GLDN: variants seen among roughly 807,000 people sequenced by gnomAD.
GLDN encodes gliomedin.
Under a neutral mutation model 56.5 loss-of-function variants are expected in GLDN, and 47 were observed. The observed-to-expected ratio is 0.83, with a 90% CI of 0.66 to 1.06. GLDN has a LOEUF of 1.06. Among genes scored for constraint, GLDN ranks in the 50% least tolerant of loss-of-function variants. GLDN has a pLI of 0.00. For synonymous variants in GLDN, 332 were observed against 278.8 expected (o/e 1.19, Z -1.90); for missense variants, 782 against 714.3 (o/e 1.09, Z -1.08).
chr15:51,342,018 C>T lies in GLDN; in HGVS notation c.334C>T (p.Leu112=), dbSNP rs2036894754. Residue 112 remains leucine (L), a synonymous_variant, in exon 1 of 10, where the codon CTG becomes TTG. Transcript: ENST00000335449. ...TATCCGCGCCGAGAGCCATGACATG[C>T]TGATGATGATGACCTACTCCATGGT... ...PHIRAESHDM[L]MMMTYSMVPI... is the part of the protein sequence containing the mutation. The T allele has an allele frequency of 7.5e-6, 12 of 1,596,974 alleles. No homozygotes were observed. Among genetic ancestry groups the T allele is most frequent in the Non-Finnish European group, 9.3e-6 (11 of 1,179,078 alleles).
downstream of GLDN, among the ~76,000 whole-genome samples, chr15:51,410,486 T>G (rs2038454097): frequency 6.6e-6 from 1 of 152,208 alleles, no homozygotes. Flanking sequence ...AGAGCAATTC[T>G]AGTGCCAGAG....
At chr15:51,388,434 TG>T (rs1419599513) in intron 4 of GLDN, among the ~76,000 whole-genome samples, 1 of 152,196 alleles carries the variant, frequency 6.6e-6, no homozygotes, top group Non-Finnish European at 1.5e-5. Context: ...GCTAATGGTC[TG>T]ACTCCCCAAG....
At chr15:51,361,881 A>C (rs2037307107) in intron 1 of GLDN, among the ~76,000 whole-genome samples, 1 of 152,206 alleles carries the variant, frequency 6.6e-6, no homozygotes, top group South Asian at 2.1e-4. Context: ...CAGTGAGCCA[A>C]GATCATGCCA....
At chr15:51,362,931 C>T (rs930797455) in intron 1 of GLDN, among the ~76,000 whole-genome samples, 2 of 149,250 alleles carry the variant, frequency 1.3e-5, no homozygotes, top group Admixed American at 6.8e-5. Context: ...ATAAAATTTT[C>T]TGACAGTTTT....
chr15:51,399,127 G>T (rs1312123152), intron 6 of GLDN, among the ~76,000 whole-genome samples: 1 of 152,144 alleles, frequency 6.6e-6, no homozygotes, highest in Non-Finnish European at 1.5e-5. Context: ...GGAAACCCCA[G>T]TTGAAACTCC....
chr15:51,348,977 T>G (rs2037028017), intron 1 of GLDN, among the ~76,000 whole-genome samples: 1 of 152,186 alleles, frequency 6.6e-6, no homozygotes, highest in Non-Finnish European at 1.5e-5. Context: ...TTTTTTGCAA[T>G]GGGTTTGGTT....
At chr15:51,409,373 T>C (rs145736456), downstream of GLDN, among the ~76,000 whole-genome samples, 63 of 152,188 alleles carry the variant, frequency 4.1e-4, 1 homozygote, top group African/African-American at 1.4e-3. Flanking sequence ...GAGAAAATAA[T>C]AGTCTCACCC....
At chr15:51,396,441 G>A (rs772428429) in intron 5 of GLDN, among the ~76,000 whole-genome samples, 2 of 152,216 alleles carry the variant, frequency 1.3e-5, no homozygotes, top group African/African-American at 2.4e-5. Flanking sequence ...AGGGTAAGGG[G>A]CAGAAAGCCA....
chr15:51,368,205 C>A (rs80306557), intron 1 of GLDN, among the ~76,000 whole-genome samples: 2,187 of 152,158 alleles, frequency 0.014, 47 homozygotes, highest in African/African-American at 0.05. Context: ...TGATGCCATT[C>A]TGGTGCTGAG....
At chr15:51,380,969 C>T (rs536821728) in intron 2 of GLDN, among the ~76,000 whole-genome samples, 64 of 152,276 alleles carry the variant, frequency 4.2e-4, no homozygotes, top group African/African-American at 1.5e-3. Context: ...GATAAAAATG[C>T]AGATTATTGG....
chr15:51,347,566 A>G (rs973040106), intron 1 of GLDN, among the ~76,000 whole-genome samples: 1 of 152,254 alleles, frequency 6.6e-6, no homozygotes, highest in Non-Finnish European at 1.5e-5. Flanking sequence ...CAAAAGTTTG[A>G]CAACACACTG....
At chr15:51,365,118 G>T (rs1039813169) in intron 1 of GLDN, among the ~76,000 whole-genome samples, 2 of 152,188 alleles carry the variant, frequency 1.3e-5, no homozygotes, top group African/African-American at 2.4e-5. Context: ...TTAGAGTCTT[G>T]GTAGTTCAAA....
intron 1 of GLDN, among the ~76,000 whole-genome samples, chr15:51,366,317 G>C (rs752705074): frequency 6.6e-6 from 1 of 152,214 alleles, no homozygotes; most frequent in Non-Finnish European, 1.5e-5. Context: ...CATCTAACCA[G>C]GCAACTGAGG....
rs111907476 is a variant in GLDN at position 51,397,346 on chromosome 15, C to CCCTT, written c.689-121_689-120insTCCT. The CCCTT allele has an allele frequency of 0.32, 47,013 of 146,464 alleles. 8,059 individuals carry two copies. Among genetic ancestry groups the CCCTT allele is most frequent in the East Asian group, 0.49 (2,285 of 4,670 alleles). 9.1% of individuals were successfully genotyped at this position (146,464 alleles called of 1,614,324 possible). On this transcript the variant is annotated intron_variant, in intron 5 of 9. Coordinates refer to ENST00000335449, the MANE Select transcript of GLDN (RefSeq NM_181789.4). ...TCCCTTTCTCTGTTCCTCCCTCCCT[C>CCCTT]CCTCCCTCCCCTTTCCTTCCCTCTC... is the stretch of plus-strand genomic sequence containing the variant.
At chr15:51,408,071 A>G, downstream of GLDN, 1 of 152,222 alleles carries the variant, frequency 6.6e-6, no homozygotes. Flanking sequence ...AAAAGAAAAA[A>G]TCCAAAACAA....
chr15:51,352,580 C>G (rs573678720), intron 1 of GLDN, among the ~76,000 whole-genome samples: 24 of 152,122 alleles, frequency 1.6e-4, no homozygotes, highest in Non-Finnish European at 7.4e-5. Context: ...AGTATTTGGC[C>G]TCTTAAAGCC....
rs918699209 is a variant in GLDN at position 51,394,512 on chromosome 15, C to T, written c.542-323C>T. Among the ~76,000 whole-genome samples the T allele has an allele frequency of 3.9e-4, 59 of 152,276 alleles. 1 individual carries two copies. Among genetic ancestry groups the T allele is most frequent in the African/African-American group, 1.4e-3 (57 of 41,538 alleles). On this transcript the variant is annotated intron_variant, in intron 4 of 9. Transcript: ENST00000335449. ...CCTATAATCCCAGCTACTCCGGAGG[C>T]TGAGGCAGGAGAATTGCTTGAACCA...
At chr15:51,384,033 C>A (rs59965909) in intron 4 of GLDN, 141 bp downstream of exon 4, 8 of 730,470 alleles carry the variant, frequency 1.1e-5, no homozygotes, top group African/African-American at 1.1e-4. Flanking sequence ...TACCTAGAAG[C>A]CATTGCGTTC....
At position 51,385,716 on chromosome 15, in the gene GLDN, G is replaced by A. The variant is rs892778725; in HGVS notation, c.541+1824G>A. Among the ~76,000 whole-genome samples the A allele has an allele frequency of 1.3e-5, 2 of 152,144 alleles. 1 individual carries two copies. Among genetic ancestry groups the A allele is most frequent in the Middle Eastern group, 6.3e-3 (2 of 316 alleles). ...GCAAATACCAAGAGGAGGTAAAAGA[G>A]GGTCTCAGGGTTTCTGGGGCAGAGG... On this transcript the variant is annotated intron_variant, in intron 4 of 9. Coordinates refer to ENST00000335449, the MANE Select transcript of GLDN (RefSeq NM_181789.4).
Sources: gnomAD v4.1 joint callset for allele counts (sites outside exome capture counted in the v4.1 genomes callset) on GRCh38, gnomAD v4.1.1 for gene constraint, MANE v1.5 for transcripts, NCBI Gene and HGNC (gene_info 2026-07-23, HGNC 2026-07-21) for gene names.